Variants in HS2ST1 observed in about 807,000 individuals in gnomAD.
HS2ST1 encodes heparan sulfate 2-O-sulfotransferase 1.
Under a neutral mutation model 42.9 loss-of-function variants are expected in HS2ST1, and 18 were observed. The ratio of observed to expected loss-of-function variants is 0.42; its 90% CI spans 0.29 to 0.62. The LOEUF is 0.62. Among genes scored for constraint, HS2ST1 ranks in the 20% least tolerant of loss-of-function variants. HS2ST1 has a pLI of 0.21. For synonymous variants in HS2ST1, 146 were observed against 152.9 expected, an observed-to-expected ratio of 0.95 and a Z score of 0.33; for missense variants, 334 against 433.8, an observed-to-expected ratio of 0.77 and a Z score of 2.04.
At chr1:87,086,264 G>C (rs542099475) in intron 3 of HS2ST1, among the ~76,000 whole-genome samples, 1 of 152,040 alleles carries the variant, frequency 6.6e-6, no homozygotes, top group Non-Finnish European at 1.5e-5. Flanking sequence ...AAGTCCCTCC[G>C]TTGGCCCTGT....
At chr1:87,053,641 TG>T (rs1450980884) in intron 1 of HS2ST1, among the ~76,000 whole-genome samples, 1 of 152,200 alleles carries the variant, frequency 6.6e-6, no homozygotes, top group African/African-American at 2.4e-5. Context: ...GCAAAACTCA[TG>T]AGTCCTTCAA....
chr1:87,047,699 G>T (rs942581419), intron 1 of HS2ST1, among the ~76,000 whole-genome samples: 21 of 152,062 alleles, frequency 1.4e-4, no homozygotes, highest in Admixed American at 1.3e-3. Flanking sequence ...ATCCTACCAA[G>T]TTTTTCTAAA....
chr1:86,937,426 A>G (rs1660680418), intron 1 of HS2ST1, among the ~76,000 whole-genome samples: 1 of 152,202 alleles, frequency 6.6e-6, no homozygotes, highest in African/African-American at 2.4e-5. Context: ...AGAACATCAA[A>G]TATTAACTTT....
rs560421289 is a variant in HS2ST1 at position 87,010,644 on chromosome 1, A to G, written c.125-62290A>G. On this transcript the variant is annotated intron_variant, in intron 1 of 6. Transcript: ENST00000370550. ...GACTAATACTAGATGTTCTGCTCTT[A>G]TATTCATTTGGCTATAAATTTGAAA... 1.2e-3 allele frequency among the ~76,000 whole-genome samples: 181 copies of G among 152,204 alleles called. 1 individual carries two copies. The highest frequency in any genetic ancestry group is 4.1e-3 in the African/African-American group (170 of 41,524).
Position 87,092,689 on chromosome 1 carries a change from AT to A in HS2ST1, c.588+25del. On this transcript the variant is annotated intron_variant, in intron 4 of 6. Transcript: ENST00000370550. Reference sequence around the variant, plus strand: ...AAAAAGGTAATATTTTAGTTTTAAGATTTTTATAAAGATAATTGTTTATGAA... The same window carrying A: ...AAAAAGGTAATATTTTAGTTTTAAGATTTTATAAAGATAATTGTTTATGAA... 6.8e-7 allele frequency: 1 copy of A among 1,477,814 alleles called. No homozygotes were observed. Among genetic ancestry groups the A allele is most frequent in the African/African-American group, 1.5e-5 (1 of 68,344 alleles). 91.5% of individuals were successfully genotyped at this position (1,477,814 alleles called of 1,614,324 possible).
At chr1:87,100,112 G>A (rs1179917575) in intron 5 of HS2ST1, among the ~76,000 whole-genome samples, 1 of 152,164 alleles carries the variant, frequency 6.6e-6, no homozygotes, top group Admixed American at 6.5e-5. Context: ...GGGGTCTGGA[G>A]GGCATAATCA....
chr1:87,009,714 A>C (rs959253423), intron 1 of HS2ST1, among the ~76,000 whole-genome samples: 1 of 152,078 alleles, frequency 6.6e-6, no homozygotes, highest in African/African-American at 2.4e-5. Context: ...AAGGTGTGAT[A>C]GCAGGACCTG....
intron 1 of HS2ST1, chr1:87,064,347 T>A (rs936631150): frequency 2.7e-6 from 1 of 368,370 alleles, no homozygotes; most frequent in African/African-American, 2.1e-5. Context: ...AGTAGTCTAC[T>A]GTCTTCTCTT....
At chr1:87,028,274 A>G (rs1221549948) in intron 1 of HS2ST1, among the ~76,000 whole-genome samples, 3 of 152,214 alleles carry the variant, frequency 2.0e-5, no homozygotes, top group South Asian at 4.1e-4. Context: ...AAGAAACTCA[A>G]ATCCTCACAA....
chr1:86,929,145 A>G (rs1660483421), intron 1 of HS2ST1, among the ~76,000 whole-genome samples: 3 of 151,908 alleles, frequency 2.0e-5, no homozygotes. Flanking sequence ...AAGTTAAATG[A>G]TGTTCAAATG....
chr1:87,015,501 C>T (rs11161923), intron 1 of HS2ST1, among the ~76,000 whole-genome samples: 5,241 of 152,026 alleles, frequency 0.034, 182 homozygotes, highest in African/African-American at 0.088. Context: ...TGCCCCACCA[C>T]GCCCAGCTAA....
chr1:87,079,200 C>T (rs906533750), intron 2 of HS2ST1, among the ~76,000 whole-genome samples: 11 of 151,168 alleles, frequency 7.3e-5, no homozygotes, highest in Non-Finnish European at 1.0e-4. Context: ...TGCAGTGGTG[C>T]GATCTAGGCT....
At chr1:87,099,030 G>A (rs1242597948) in intron 5 of HS2ST1, among the ~76,000 whole-genome samples, 1 of 152,070 alleles carries the variant, frequency 6.6e-6, no homozygotes, top group Non-Finnish European at 1.5e-5. Context: ...CACCTGCCTC[G>A]GCCTCCCAAA....
intron 2 of HS2ST1, among the ~76,000 whole-genome samples, chr1:87,074,710 G>A (rs1426357824): frequency 6.6e-6 from 1 of 151,874 alleles, no homozygotes; most frequent in Non-Finnish European, 1.5e-5. Context: ...AACAGCAGGA[G>A]AGAAGCATAA....
At chr1:87,014,440 C>T (rs1247822921) in intron 1 of HS2ST1, among the ~76,000 whole-genome samples, 1 of 152,214 alleles carries the variant, frequency 6.6e-6, no homozygotes, top group African/African-American at 2.4e-5. Flanking sequence ...CTGGTTCCCT[C>T]CCATGACACA....
intron 1 of HS2ST1, among the ~76,000 whole-genome samples, chr1:86,973,094 C>T (rs1648284301): frequency 6.6e-6 from 1 of 152,168 alleles, no homozygotes; most frequent in Admixed American, 6.5e-5. Context: ...TGGGTTTCTC[C>T]ACTGTAAAGC....
rs116358827 is a variant in HS2ST1, at chr1:87,013,781, C to T, written c.125-59153C>T. On this transcript the variant is annotated intron_variant, in intron 1 of 6. Transcript: ENST00000370550. ...ACATAAAGCTGAATGCATTTAACAG[C>T]ACCCAAGTCACCTCTTGAACACTTT... 5.4e-3 allele frequency among the ~76,000 whole-genome samples: 821 copies of T among 152,270 alleles called. 9 individuals carry two copies. Among genetic ancestry groups the T allele is most frequent in the African/African-American group, 0.019 (776 of 41,548 alleles).
chr1:87,026,915 T>TA (rs1371588122), intron 1 of HS2ST1, among the ~76,000 whole-genome samples: 2 of 152,192 alleles, frequency 1.3e-5, no homozygotes, highest in African/African-American at 4.8e-5. Context: ...TTGATTATAA[T>TA]AGTGAAATTT....
intron 1 of HS2ST1, among the ~76,000 whole-genome samples, chr1:86,981,510 AGGCATTGG>A (rs1648590457): frequency 6.6e-6 from 1 of 152,236 alleles, no homozygotes; most frequent in South Asian, 2.1e-4. Flanking sequence ...GTGGGGGTAC[AGGCATTGG>A]GTAAATGTTC....
Sources: allele counts gnomAD v4.1 joint callset (sites outside exome capture counted in the v4.1 genomes callset), GRCh38; gene constraint gnomAD v4.1.1; transcripts MANE v1.5; gene names NCBI Gene and HGNC (gene_info 2026-07-23, HGNC 2026-07-21).